The following ERP44 variants were observed in gnomAD, a reference collection of about 807,000 sequenced individuals.
ERP44 encodes the protein endoplasmic reticulum protein 44.
ERP44 carries 25 observed loss-of-function variants against 53.4 expected under a neutral mutation model. That is an observed-to-expected ratio of 0.47 (90% confidence interval 0.34 to 0.65). ERP44 has a LOEUF of 0.65. Ranked by LOEUF, ERP44 falls within the 30% of genes least tolerant of loss-of-function variation. ERP44 has a pLI of 0.01. For missense variants in ERP44, 338 were observed against 493.2 expected (o/e 0.69, Z 2.98); for synonymous variants, 145 against 161.2 (o/e 0.90, Z 0.76).
At chr9:100,035,357 G>T (rs1054130087) in intron 4 of ERP44, among the ~76,000 whole-genome samples, 3 of 152,076 alleles carry the variant, frequency 2.0e-5, no homozygotes, top group Non-Finnish European at 4.4e-5. Context: ...GAATCTATAA[G>T]GAACTTATTA....
At chr9:100,023,609 T>A (rs751832215) in intron 4 of ERP44, among the ~76,000 whole-genome samples, 4 of 151,966 alleles carry the variant, frequency 2.6e-5, no homozygotes, top group South Asian at 2.1e-4. Context: ...TAAATTTTTT[T>A]AATTTTTAAT....
At chr9:99,982,972 T>A (rs1830163113) in intron 11 of ERP44, among the ~76,000 whole-genome samples, 1 of 152,148 alleles carries the variant, frequency 6.6e-6, no homozygotes, top group African/African-American at 2.4e-5. Flanking sequence ...TGAGGTGTGG[T>A]GGAAGGGACC....
chr9:99,994,136 GC>G (rs1830285164), intron 10 of ERP44, among the ~76,000 whole-genome samples: 1 of 152,166 alleles, frequency 6.6e-6, no homozygotes, highest in South Asian at 2.1e-4. Flanking sequence ...ATTTGACCCA[GC>G]CATCCCATTA....
Position 99,980,164 on chromosome 9 carries a change from T to C in ERP44, c.*2448A>G. 2.5e-6 allele frequency: 1 copy of C among 397,958 alleles called. No homozygotes were observed. Among genetic ancestry groups the C allele is most frequent in the Non-Finnish European group, 4.4e-6 (1 of 225,766 alleles). The allele number at this position is 397,958 out of a possible 1,614,324, so 24.7% of individuals were successfully genotyped here. Reference sequence around the variant, plus strand: ...ATCTCTGCAATTGAGTGCTCCTTTATGCCCTCTTTAACCTTTATTTTGTCT... The same window carrying C: ...ATCTCTGCAATTGAGTGCTCCTTTACGCCCTCTTTAACCTTTATTTTGTCT... On this transcript the variant is annotated 3_prime_UTR_variant, in exon 12 of 12. Coordinates refer to ENST00000262455, the MANE Select transcript of ERP44 (RefSeq NM_015051.3).
At chr9:99,987,963 A>C (rs895208438) in intron 10 of ERP44, among the ~76,000 whole-genome samples, 4 of 152,232 alleles carry the variant, frequency 2.6e-5, no homozygotes, top group African/African-American at 9.6e-5. Flanking sequence ...ACATTTGTGC[A>C]CAAGTTTTTG....
intron 10 of ERP44, among the ~76,000 whole-genome samples, chr9:99,995,532 C>CGTTA (rs58374187): frequency 0.19 from 28,420 of 151,940 alleles, 4,171 homozygotes; most frequent in African/African-American, 0.41. Context: ...ATCCCCATAA[C>CGTTA]CCCCAGCCTC....
intron 4 of ERP44, among the ~76,000 whole-genome samples, chr9:100,024,023 C>T (rs1281235221): frequency 6.6e-6 from 1 of 152,042 alleles, no homozygotes; most frequent in Non-Finnish European, 1.5e-5. Flanking sequence ...GGCATGGTGG[C>T]ACATGCCTGT....
chr9:99,999,082 C>T lies in ERP44; in HGVS notation c.1016+7424G>A, dbSNP rs112108489. ...CGGATGACCGCCTGCAGGGAGCGCA[C>T]GGCCGTTCCCACAGCGGCGGGGCGT... is the stretch of plus-strand genomic sequence containing the variant. On this transcript the variant is annotated intron_variant, in intron 10 of 11. Transcript: ENST00000262455. 4,085 of 697,432 alleles carry T rather than the reference C, an allele frequency of 5.9e-3. 134 individuals are homozygous for T. The African/African-American group carries it at 0.065, about 11-fold the overall frequency. 43.2% of individuals were successfully genotyped at this position (697,432 alleles called of 1,614,324 possible).
chr9:100,061,662 G>A (rs1005952044), intron 1 of ERP44, among the ~76,000 whole-genome samples: 2 of 149,332 alleles, frequency 1.3e-5, no homozygotes, highest in South Asian at 4.2e-4. Flanking sequence ...AAAGGCCTAA[G>A]GATAACACTG....
intron 1 of ERP44, among the ~76,000 whole-genome samples, chr9:100,063,075 CAAAA>C (rs58004954): frequency 1.5e-4 from 6 of 40,080 alleles, no homozygotes; most frequent in East Asian, 1.3e-3. Flanking sequence ...CCCTGTCTCA[CAAAA>C]AAAAAAAAAA....
intron 10 of ERP44, among the ~76,000 whole-genome samples, chr9:100,005,718 G>A (rs557694999): frequency 1.3e-5 from 2 of 152,186 alleles, no homozygotes; most frequent in Non-Finnish European, 2.9e-5. Context: ...CATCTCCACT[G>A]AAATATTTAG....
At position 100,095,627 on chromosome 9, in the gene ERP44, T is replaced by C. The variant is rs1022078795; in HGVS notation, c.57+3157A>G. 3.9e-5 allele frequency among the ~76,000 whole-genome samples: 6 copies of C among 152,150 alleles called. No homozygotes were observed. In the East Asian group the frequency reaches 7.7e-4, roughly 20 times the overall value. Reference sequence around the variant, plus strand: ...CTGGGAAATTTTTTTTTAAAACTAATTTCTGGGGCTCACAGATATAACTGA... The same window carrying C: ...CTGGGAAATTTTTTTTTAAAACTAACTTCTGGGGCTCACAGATATAACTGA... On this transcript the variant is annotated intron_variant, in intron 1 of 11. Coordinates refer to ENST00000262455, the MANE Select transcript of ERP44 (RefSeq NM_015051.3).
chr9:100,071,584 C>T (rs1826305589), intron 1 of ERP44, among the ~76,000 whole-genome samples: 1 of 152,092 alleles, frequency 6.6e-6, no homozygotes, highest in African/African-American at 2.4e-5. Flanking sequence ...GATTCCATTA[C>T]TATATATATC....
chr9:99,985,090 A>C (rs748798475), intron 10 of ERP44, 21 bp from the exon 11 acceptor site: 4 of 1,486,820 alleles, frequency 2.7e-6, no homozygotes, highest in Non-Finnish European at 3.8e-6. Flanking sequence ...AGTCAAATAA[A>C]ATGTAAACTG....
rs890718583 is a variant in ERP44 at position 100,048,227 on chromosome 9, C to T, written c.286+4190G>A. Among the ~76,000 whole-genome samples, 11 of 151,952 alleles carry T rather than the reference C, an allele frequency of 7.2e-5. 1 individual carries two copies. The East Asian group carries it at 7.8e-4, about 11-fold the overall frequency. On this transcript the variant is annotated intron_variant, in intron 4 of 11. Transcript: ENST00000262455. ...AGGAGATATACCTAATGCTAAATGA[C>T]GAGTTAATGGGTGCAGCACACCAAC...
At chr9:100,076,837 C>G (rs766621587) in intron 1 of ERP44, among the ~76,000 whole-genome samples, 1 of 152,238 alleles carries the variant, frequency 6.6e-6, no homozygotes, top group Non-Finnish European at 1.5e-5. Context: ...GTGGACACCA[C>G]TAAGCCTCCT....
At position 99,994,286 on chromosome 9, in the gene ERP44, A is replaced by G. The variant is rs1830286728; in HGVS notation, c.1017-9217T>C. 1.3e-5 allele frequency among the ~76,000 whole-genome samples: 2 copies of G among 152,252 alleles called. 1 individual carries two copies. Among genetic ancestry groups the G allele is most frequent in the South Asian group, 4.1e-4 (2 of 4,828 alleles). ...ATCAGTGATAGACTGGATTAAGAAA[A>G]TGTGGCACATATACACCGTGGAATA... On this transcript the variant is annotated intron_variant, in intron 10 of 11. Transcript: ENST00000262455.
chr9:100,027,304 T>A (rs918891867), intron 4 of ERP44, among the ~76,000 whole-genome samples: 3 of 152,362 alleles, frequency 2.0e-5, no homozygotes, highest in Middle Eastern at 3.4e-3. Flanking sequence ...TGAAAACTAT[T>A]ATGGGATTAG....
Position 100,052,506 on chromosome 9 carries a change from G to T in ERP44, c.197C>A (p.Pro66Gln). ...GACATCGGAAGCTTCCTCAAAAATT[G>T]GATGCAACATCTGACTGAAACGACA... ...DWCRFSQMLH[P>Q]IFEEASDVIK... The change falls in exon 4 of 12, where the codon CCA (proline) becomes CAA (glutamine). Residue 66 changes from proline to glutamine, a missense_variant. Physicochemically the swap from Pro to Gln is moderately conservative, Grantham distance 76 (BLOSUM62 -1). Around this residue, in one of 3 missense-constraint regions of ERP44, gnomAD observed 224 missense variants for 301.4 expected, o/e 0.74. Coordinates refer to ENST00000262455, the MANE Select transcript of ERP44 (RefSeq NM_015051.3). 1 of 1,611,358 alleles carries T rather than the reference G, an allele frequency of 6.2e-7. No individual in the cohort carries two copies. The highest frequency in any genetic ancestry group is 1.1e-5 in the South Asian group (1 of 90,632).
Sources: gnomAD v4.1 joint callset for allele counts (sites outside exome capture counted in the v4.1 genomes callset) on GRCh38, gnomAD v4.1.1 for gene constraint, gnomAD v4.1.1 regional missense constraint, MANE v1.5 for transcripts, NCBI Gene and HGNC (gene_info 2026-07-23, HGNC 2026-07-21) for gene names.